TRIM55: variants seen among roughly 807,000 people sequenced by gnomAD.
The protein encoded by TRIM55 is tripartite motif-containing protein 55.
TRIM55 carries 50 observed loss-of-function variants against 60.9 expected under a neutral mutation model. The observed-to-expected ratio is 0.82, with a 90% CI of 0.65 to 1.04. TRIM55 has a LOEUF of 1.04. TRIM55 is among the 50% of genes least tolerant of loss of function. The pLI is 0.00. For missense variants in TRIM55, 681 were observed against 666.9 expected (o/e 1.02, Z -0.23); for synonymous variants, 237 against 238.1 (o/e 1.00, Z 0.04).
rs921355628 is a variant in TRIM55 at position 66,136,547 on chromosome 8, GAAC to G, written c.508-545_508-543del. Among the ~76,000 whole-genome samples the G allele has an allele frequency of 3.9e-5, 6 of 152,204 alleles. No homozygotes were observed. The East Asian group carries it at 1.2e-3, about 29-fold the overall frequency. ...CCAGTCTTGGGAAGGGGGTAAATAGGAACAATAGAATCTCTTCCTAAGTCAAAA... is the reference window on the plus strand; with the variant it reads ...CCAGTCTTGGGAAGGGGGTAAATAGGAATAGAATCTCTTCCTAAGTCAAAA... On this transcript the variant is annotated intron_variant, in intron 3 of 9. Coordinates refer to ENST00000315962, the MANE Select transcript of TRIM55 (RefSeq NM_184085.2).
intron 4 of TRIM55, among the ~76,000 whole-genome samples, chr8:66,144,990 CAG>C (rs1226724853): frequency 6.6e-6 from 1 of 152,192 alleles, no homozygotes; most frequent in African/African-American, 2.4e-5. Flanking sequence ...TACTGAAATT[CAG>C]AGTCATCACT....
intron 5 of TRIM55, 151 bp from the exon 6 acceptor site, chr8:66,150,066 T>C (rs939552710): frequency 9.9e-7 from 1 of 1,014,320 alleles, no homozygotes; most frequent in Non-Finnish European, 1.4e-6. Flanking sequence ...ACTGCTTAAA[T>C]CTAATAGGGT....
chr8:66,127,445 G>A lies in TRIM55; in HGVS notation c.168+9G>A, dbSNP rs766773850. 6.3e-7 allele frequency: 1 copy of A among 1,588,458 alleles called. No homozygotes were observed. Among genetic ancestry groups the A allele is most frequent in the South Asian group, 1.1e-5 (1 of 90,654 alleles). On this transcript the variant is annotated intron_variant, in intron 1 of 9. Coordinates refer to ENST00000315962, the MANE Select transcript of TRIM55 (RefSeq NM_184085.2). ...CCAGTGATATTTTCCAGGTAGGTTT[G>A]TTTGGAATTTGGTTGAGGGGAGGGG...
At chr8:66,139,431 G>T (rs1421733092) in intron 4 of TRIM55, among the ~76,000 whole-genome samples, 3 of 152,204 alleles carry the variant, frequency 2.0e-5, no homozygotes, top group Non-Finnish European at 2.9e-5. Context: ...AGGACACTGA[G>T]TGGGCCGCAG....
chr8:66,141,993 T>C lies in TRIM55; in HGVS notation c.603+4803T>C, dbSNP rs147516255. On this transcript the variant is annotated intron_variant, in intron 4 of 9. Transcript: ENST00000315962. ...TGTTTAAAAGAACAGATTTCAGAGT[T>C]TGAGTTTTAGTTCTGTTGCTTAATT... is the stretch of plus-strand genomic sequence containing the variant. Among the ~76,000 whole-genome samples the C allele has an allele frequency of 4.6e-3, 697 of 152,362 alleles. 12 individuals carry two copies. The highest frequency in any genetic ancestry group is 0.039 in the Admixed American group (596 of 15,302).
intron 2 of TRIM55, among the ~76,000 whole-genome samples, chr8:66,129,688 C>G (rs1308054133): frequency 5.3e-5 from 8 of 152,184 alleles, no homozygotes; most frequent in Non-Finnish European, 2.9e-5. Flanking sequence ...TATTTCACTA[C>G]TTTAAAATAC....
At chr8:66,157,242 G>T (rs1167224130) in intron 9 of TRIM55, among the ~76,000 whole-genome samples, 2 of 152,096 alleles carry the variant, frequency 1.3e-5, no homozygotes, top group Non-Finnish European at 2.9e-5. Context: ...TGTGGGGAGG[G>T]CGTTGACATC....
At chr8:66,137,241 G>A in intron 4 of TRIM55, 51 bp downstream of exon 4, 3 of 1,399,812 alleles carry the variant, frequency 2.1e-6, no homozygotes, top group Non-Finnish European at 3.0e-6. Flanking sequence ...AATGCCTGGG[G>A]GTTTATGACT....
At chr8:66,143,797 G>A (rs1294306565) in intron 4 of TRIM55, among the ~76,000 whole-genome samples, 1 of 152,122 alleles carries the variant, frequency 6.6e-6, no homozygotes, top group Non-Finnish European at 1.5e-5. Flanking sequence ...CTGGGAACTA[G>A]TGATGAGCTA....
intron 2 of TRIM55, 93 bp downstream of exon 2, chr8:66,128,569 A>G: frequency 1.5e-6 from 2 of 1,356,424 alleles, no homozygotes; most frequent in Non-Finnish European, 2.0e-6. Flanking sequence ...ATGCTTGTTT[A>G]TCAATCACAG....
At chr8:66,116,500 G>A in the TRIM55 span, among the ~76,000 whole-genome samples, 3 of 151,706 alleles carry the variant, frequency 2.0e-5, no homozygotes, top group East Asian at 1.9e-4. Flanking sequence ...CCAGCTGCTC[G>A]GGAGGGTAAG....
At chr8:66,155,752 G>C in intron 9 of TRIM55, 1 of 1,356,964 alleles carries the variant, frequency 7.4e-7, no homozygotes, top group Admixed American at 1.8e-5. Context: ...ATCTCACATA[G>C]TTTCTTCCAT....
chr8:66,171,028 G>C (rs551371935), intron 9 of TRIM55, among the ~76,000 whole-genome samples: 1 of 152,148 alleles, frequency 6.6e-6, no homozygotes, highest in African/African-American at 2.4e-5. Flanking sequence ...ACTGAGGTTC[G>C]TGTCTAAGTA....
the TRIM55 span, among the ~76,000 whole-genome samples, chr8:66,118,815 G>C: frequency 1.4e-4 from 21 of 152,196 alleles, no homozygotes; most frequent in Admixed American, 2.6e-4. Flanking sequence ...TGAAATCCCA[G>C]ATGAAGTGTG....
intron 5 of TRIM55, 128 bp from the exon 6 acceptor site, chr8:66,150,089 C>G (rs894244216): frequency 6.1e-6 from 7 of 1,156,348 alleles, no homozygotes; most frequent in Non-Finnish European, 8.6e-6. Context: ...TGTTATAAGA[C>G]AGCAGTTATT....
At chr8:66,120,260 G>A in the TRIM55 span, among the ~76,000 whole-genome samples, 1 of 152,174 alleles carries the variant, frequency 6.6e-6, no homozygotes, top group African/African-American at 2.4e-5. Context: ...AACACACTGA[G>A]CTCTTACTAT....
chr8:66,114,661 C>T, the TRIM55 span: 1 of 456,240 alleles, frequency 2.2e-6, no homozygotes, highest in South Asian at 1.5e-5. Context: ...TTACTTTGAA[C>T]GTTTGCTCAA....
chr8:66,116,870 C>T, the TRIM55 span, among the ~76,000 whole-genome samples: 1 of 152,114 alleles, frequency 6.6e-6, no homozygotes, highest in African/African-American at 2.4e-5. Flanking sequence ...AAATTACAGA[C>T]CAATATAGCT....
chr8:66,122,006 C>T (rs1454439720), upstream of TRIM55, among the ~76,000 whole-genome samples: 2 of 152,136 alleles, frequency 1.3e-5, no homozygotes, highest in African/African-American at 4.8e-5. Context: ...TCTGATTTCT[C>T]CTTAGAGCAG....
Sources: gnomAD v4.1 joint callset for allele counts (sites outside exome capture counted in the v4.1 genomes callset) on GRCh38, gnomAD v4.1.1 for gene constraint, MANE v1.5 for transcripts, NCBI Gene and HGNC (gene_info 2026-07-23, HGNC 2026-07-21) for gene names.